Variants in MAP2K6 observed in about 807,000 individuals in gnomAD.
MAP2K6 encodes the protein dual specificity mitogen-activated protein kinase kinase 6.
A neutral mutation model predicts 53.7 loss-of-function variants in MAP2K6; 16 were observed. The ratio of observed to expected loss-of-function variants is 0.30; its 90% CI spans 0.20 to 0.45. MAP2K6 has a LOEUF of 0.45. Among genes scored for constraint, MAP2K6 ranks in the 20% least tolerant of loss-of-function variants. The probability of loss-of-function intolerance (pLI) is 1.00; values close to 1 mark genes in which losing one functional copy is unlikely to be tolerated. For synonymous variants in MAP2K6, 132 were observed against 143.1 expected, an observed-to-expected ratio of 0.92 and a Z score of 0.55; for missense variants, 204 against 411.9, an observed-to-expected ratio of 0.50 and a Z score of 4.37.
intron 1 of MAP2K6, among the ~76,000 whole-genome samples, chr17:69,496,384 G>A (rs529643009): frequency 1.3e-5 from 2 of 150,814 alleles, no homozygotes; most frequent in South Asian, 2.1e-4. Flanking sequence ...CGATTCTCCC[G>A]CCTCAGCCTC....
chr17:69,472,848 G>A (rs959415569), intron 1 of MAP2K6, among the ~76,000 whole-genome samples: 59 of 152,192 alleles, frequency 3.9e-4, no homozygotes, highest in African/African-American at 4.3e-4. Flanking sequence ...ACAGGCATGC[G>A]CCACCATGCC....
At position 69,507,539 on chromosome 17, in the gene MAP2K6, C is replaced by A. The variant is rs560330089; in HGVS notation, c.83+1693C>A. On this transcript the variant is annotated intron_variant, in intron 2 of 11. Coordinates refer to ENST00000590474, the MANE Select transcript of MAP2K6 (RefSeq NM_002758.4). ...CAACCGCTAATCTGTTCTCCTTTGC[C>A]ATTTTGTTATTTCATGATTGTTATA... 3.9e-5 allele frequency among the ~76,000 whole-genome samples: 6 copies of A among 152,270 alleles called. No homozygotes were observed. In the South Asian group the frequency reaches 1.2e-3, roughly 32 times the overall value.
At chr17:69,513,501 A>C (rs1909977299) in intron 2 of MAP2K6, among the ~76,000 whole-genome samples, 2 of 152,208 alleles carry the variant, frequency 1.3e-5, no homozygotes. Flanking sequence ...AAATGGCACC[A>C]GACCCTTCTA....
chr17:69,525,632 A>G (rs1910730841), intron 9 of MAP2K6, among the ~76,000 whole-genome samples: 1 of 152,226 alleles, frequency 6.6e-6, no homozygotes, highest in African/African-American at 2.4e-5. Flanking sequence ...TGAGACAGCC[A>G]AGTGAAAAGG....
intron 1 of MAP2K6, among the ~76,000 whole-genome samples, chr17:69,426,770 A>G (rs1236498082): frequency 5.3e-5 from 8 of 151,194 alleles, no homozygotes; most frequent in Non-Finnish European, 1.2e-4. Context: ...ATAGAACAAT[A>G]AAATAGAGCA....
In MAP2K6 at chr17:69,494,574, T is replaced by C. The variant is rs1287120116; in HGVS notation, c.17-11206T>C. ...AAAGGGAAATAAGACCCTGTACTGA[T>C]AGCATTCTAGGGGAGGAGTTGCAGA... On this transcript the variant is annotated intron_variant, in intron 1 of 11. Coordinates refer to ENST00000590474, the MANE Select transcript of MAP2K6 (RefSeq NM_002758.4). The surrounding 1 kb of genome is among the most constrained non-coding windows in gnomAD (Gnocchi z 4.2). Among the ~76,000 whole-genome samples the C allele has an allele frequency of 6.6e-6, 1 of 152,098 alleles. No homozygotes were observed. The highest frequency in any genetic ancestry group is 1.5e-5 in the Non-Finnish European group (1 of 68,012).
chr17:69,514,090 CA>C (rs1336323557), intron 2 of MAP2K6, among the ~76,000 whole-genome samples: 1 of 145,638 alleles, frequency 6.9e-6, no homozygotes, highest in Non-Finnish European at 1.5e-5. Context: ...GCCTGGGCGA[CA>C]GGGTGAGACT....
At chr17:69,521,127 G>T in intron 7 of MAP2K6, 27 bp downstream of exon 7, 1 of 1,601,436 alleles carries the variant, frequency 6.2e-7, no homozygotes, top group South Asian at 1.1e-5. Context: ...TGCCTTGGCT[G>T]TTCCTTTGAT....
chr17:69,422,276 T>G (rs533266311), intron 1 of MAP2K6, among the ~76,000 whole-genome samples: 10 of 151,792 alleles, frequency 6.6e-5, no homozygotes, highest in Non-Finnish European at 1.3e-4. Flanking sequence ...GGATTACAGG[T>G]GCCTGCCACC....
chr17:69,444,553 A>C (rs1192987681), intron 1 of MAP2K6, among the ~76,000 whole-genome samples: 1 of 152,172 alleles, frequency 6.6e-6, no homozygotes, highest in African/African-American at 2.4e-5. Context: ...AGTTCACCAA[A>C]CTGCTGCCAA....
chr17:69,513,709 T>C (rs531991133), intron 2 of MAP2K6, among the ~76,000 whole-genome samples: 75 of 152,338 alleles, frequency 4.9e-4, no homozygotes, highest in Non-Finnish European at 9.1e-4. Context: ...AGCCCTGGTA[T>C]ATATATAAAA....
chr17:69,438,840 C>T (rs565471045), intron 1 of MAP2K6, among the ~76,000 whole-genome samples: 1 of 152,318 alleles, frequency 6.6e-6, no homozygotes, highest in African/African-American at 2.4e-5. Flanking sequence ...CCACCTTAGC[C>T]TCCCAAAGTG....
At chr17:69,431,272 G>C (rs1013771384) in intron 1 of MAP2K6, among the ~76,000 whole-genome samples, 1 of 152,062 alleles carries the variant, frequency 6.6e-6, no homozygotes, top group African/African-American at 2.4e-5. Context: ...TACCACTGCT[G>C]TGTCCAAACA....
chr17:69,539,433 AT>A (rs1211923042), intron 11 of MAP2K6, among the ~76,000 whole-genome samples: 13 of 152,000 alleles, frequency 8.6e-5, no homozygotes, highest in African/African-American at 3.1e-4. Context: ...ATCTTAATCC[AT>A]TGCTTATAGG....
At chr17:69,523,863 G>C (rs554526847) in intron 8 of MAP2K6, among the ~76,000 whole-genome samples, 11 of 152,284 alleles carry the variant, frequency 7.2e-5, no homozygotes, top group African/African-American at 2.6e-4. Flanking sequence ...AGTAATGTAA[G>C]CCAGGCAGCA....
chr17:69,521,821 A>AC (rs1273299568), intron 7 of MAP2K6: 18 of 145,092 alleles, frequency 1.2e-4, no homozygotes, highest in African/African-American at 4.9e-4. Flanking sequence ...AAAAAAAAAA[A>AC]AAAAAAAAAA....
rs942221318 is a variant in MAP2K6 at position 69,545,093 on chromosome 17, C to T, written c.*3340C>T. 7.2e-5 allele frequency: 11 copies of T among 152,152 alleles called. No individual in the cohort carries two copies. The highest frequency in any genetic ancestry group is 2.7e-4 in the African/African-American group (11 of 41,434). The allele number at this position is 152,152 out of a possible 1,614,324, so 9.4% of individuals were successfully genotyped here. ...AGCTGGAGTTTTAGCATCATTGACT[C>T]TTTGTAAAACGCCATGTCATGGGCT... On this transcript the variant is annotated 3_prime_UTR_variant, in exon 12 of 12. Transcript: ENST00000590474.
chr17:69,534,133 A>T (rs943202234), intron 10 of MAP2K6, among the ~76,000 whole-genome samples: 2 of 152,158 alleles, frequency 1.3e-5, no homozygotes, highest in Admixed American at 6.5e-5. Context: ...CTGCCACCAG[A>T]TGTAACAACC....
intron 1 of MAP2K6, among the ~76,000 whole-genome samples, chr17:69,441,858 A>G (rs757747319): frequency 1.3e-5 from 2 of 152,072 alleles, no homozygotes; most frequent in African/African-American, 4.8e-5. Flanking sequence ...CCTGGAGAGA[A>G]GGGACTCCCT....
Sources: allele counts gnomAD v4.1 joint callset (sites outside exome capture counted in the v4.1 genomes callset), GRCh38; gene constraint gnomAD v4.1.1; non-coding constraint Gnocchi (gnomAD v3.1); transcripts MANE v1.5; gene names NCBI Gene and HGNC (gene_info 2026-07-23, HGNC 2026-07-21).